ABCB6: variants seen among roughly 807,000 people sequenced by gnomAD.
The protein encoded by ABCB6 is ATP-binding cassette sub-family B member 6.
ABCB6 carries 87 observed loss-of-function variants against 99.4 expected under a neutral mutation model. The observed-to-expected ratio is 0.88, with a 90% CI of 0.74 to 1.05. The LOEUF (loss-of-function observed/expected upper bound fraction) is 1.05. Ranked by LOEUF, ABCB6 falls within the 50% of genes least tolerant of loss-of-function variation. ABCB6 has a pLI of 0.00. For missense variants in ABCB6, 1,050 were observed against 1,097.9 expected (o/e 0.96, Z 0.62); for synonymous variants, 482 against 447.5 (o/e 1.08, Z -0.97).
rs1477286755 is a variant in ABCB6 at position 219,209,810 on chromosome 2, G to A, written c.*128C>T. 5.2e-6 allele frequency: 4 copies of A among 767,830 alleles called. No individual in the cohort carries two copies. Among genetic ancestry groups the A allele is most frequent in the African/African-American group, 3.5e-5 (2 of 57,464 alleles). 47.6% of individuals were successfully genotyped at this position (767,830 alleles called of 1,614,324 possible). ...TTTATTTCCCCAAAAGATGTTTTTC[G>A]GAAAGGTCCCTTTCCCTTACCATAG... On this transcript the variant is annotated 3_prime_UTR_variant, in exon 19 of 19. Coordinates refer to ENST00000265316, the MANE Select transcript of ABCB6 (RefSeq NM_005689.4).
chr2:219,214,245 T>TC (rs1156622470), intron 7 of ABCB6, 59 bp from the exon 8 acceptor site: 5 of 1,555,342 alleles, frequency 3.2e-6, no homozygotes, highest in Admixed American at 1.7e-5. Context: ...CTCGGGTCAT[T>TC]CCCCCCAACT....
In ABCB6 at chr2:219,216,142, C is replaced by T. The variant is rs1480713404; in HGVS notation, c.1009G>A (p.Val337Met). ...ACCCGCCGAGACGTGAACTGCTGCA[C>T]CCGGATCCACAGGAAGGTGCGCAGG... ...SNLRTFLWIR[V>M]QQFTSRRVEL... The change falls in exon 5 of 19, where the codon GTG (valine) becomes ATG (methionine). Residue 337 changes from valine (V) to methionine (M), a missense_variant. Coordinates refer to ENST00000265316, the MANE Select transcript of ABCB6 (RefSeq NM_005689.4). The surrounding 1 kb of genome is among the most constrained non-coding windows in gnomAD (Gnocchi z 4.2). The T allele has an allele frequency of 5.0e-6, 8 of 1,601,830 alleles. No homozygotes were observed. The highest frequency in any genetic ancestry group is 1.1e-5 in the South Asian group (1 of 89,360).
In ABCB6 at chr2:219,218,711, C is replaced by T; in HGVS notation, c.-38G>A. ...ACGCCGGCCGAGGCTGCGGGCACTG[C>T]GGGACCGGAGGCCGGGACTGGTCAC... On this transcript the variant is annotated 5_prime_UTR_variant, in exon 1 of 19. Coordinates refer to ENST00000265316, the MANE Select transcript of ABCB6 (RefSeq NM_005689.4). 6.6e-7 allele frequency: 1 copy of T among 1,508,812 alleles called. No homozygotes were observed. Among genetic ancestry groups the T allele is most frequent in the Non-Finnish European group, 8.9e-7 (1 of 1,128,134 alleles). The allele number at this position is 1,508,812 out of a possible 1,614,324, so 93.5% of individuals were successfully genotyped here. A position where few individuals can be genotyped will look rare whatever the true frequency, so the allele number is the denominator to read the frequency against.
At chr2:219,212,085 G>A (rs1166561476) in intron 14 of ABCB6, among the ~76,000 whole-genome samples, 1 of 151,970 alleles carries the variant, frequency 6.6e-6, no homozygotes, top group Admixed American at 6.6e-5. Flanking sequence ...TTTGTAGAGA[G>A]GGTGTTTTGC....
At position 219,210,309 on chromosome 2, in the gene ABCB6, A is replaced by G; in HGVS notation, c.2352-11T>C. On this transcript the variant is annotated splice_polypyrimidine_tract_variant and intron_variant, in intron 17 of 18. Transcript: ENST00000265316. The stretch of plus-strand genomic sequence containing the variant: ...ACCACAGTTGAGAGCCTGAGAAGTC[A>G]AAGATCAGTCGCCTACTACCCCACC... 1 of 1,614,210 alleles carries G rather than the reference A, an allele frequency of 6.2e-7. No individual in the cohort carries two copies.
chr2:219,210,492 G>C lies in ABCB6; in HGVS notation c.2257-17C>G. 2 of 1,611,804 alleles carry C rather than the reference G, an allele frequency of 1.2e-6. No individual in the cohort carries two copies. Among genetic ancestry groups the C allele is most frequent in the Non-Finnish European group, 1.7e-6 (2 of 1,178,918 alleles). ...TGACGTTGCCTATAGAGAGGGTCCA[G>C]GTAAAACTGCTCCTGCCACTCAAAA... On this transcript the variant is annotated splice_polypyrimidine_tract_variant and intron_variant, in intron 16 of 18. Coordinates refer to ENST00000265316, the MANE Select transcript of ABCB6 (RefSeq NM_005689.4).
In ABCB6 at chr2:219,213,594, A is replaced by G; in HGVS notation, c.1651T>C (p.Tyr551His). The G allele has an allele frequency of 6.2e-7, 1 of 1,614,180 alleles. No individual in the cohort carries two copies. The highest frequency in any genetic ancestry group is 2.2e-5 in the East Asian group (1 of 44,878). The change falls in exon 10 of 19, where the codon TAC becomes CAC. Residue 551 changes from tyrosine to histidine, a missense_variant. Transcript: ENST00000265316. ...GAGGGCCAGGGCTCAGATTACCTGTAGTAGGTGCCAAACCAATTGAGGGGC... is the reference window on the plus strand; with the variant it reads ...GAGGGCCAGGGCTCAGATTACCTGTGGTAGGTGCCAAACCAATTGAGGGGC... ...YMPLNWFGTY[Y>H]RMIQTNFIDM...
At position 219,218,587 on chromosome 2, in the gene ABCB6, G is replaced by T. The variant is rs1358783169; in HGVS notation, c.87C>A (p.Phe29Leu). 1 of 1,611,752 alleles carries T rather than the reference G, an allele frequency of 6.2e-7. No individual in the cohort carries two copies. Among genetic ancestry groups the T allele is most frequent in the Non-Finnish European group, 8.5e-7 (1 of 1,179,082 alleles). The change falls in exon 1 of 19, where the codon TTC (phenylalanine) becomes TTA (leucine). Residue 29 changes from phenylalanine to leucine, a missense_variant. By Grantham distance (22) the Phe-to-Leu change is conservative. Coordinates refer to ENST00000265316, the MANE Select transcript of ABCB6 (RefSeq NM_005689.4). ...CCATCCGCGTCGAGGGCACGAGCGTGAAGAAGAAGCAGGGACTCAGGCCAT... is the reference window on the plus strand; with the variant it reads ...CCATCCGCGTCGAGGGCACGAGCGTTAAGAAGAAGCAGGGACTCAGGCCAT... ...MQDGLSPCFFFTLVPSTRMAL... is the reference protein window; with the variant it reads ...MQDGLSPCFFLTLVPSTRMAL...
intron 5 of ABCB6, 51 bp from the exon 6 acceptor site, chr2:219,215,133 C>G (rs1950623930): frequency 6.2e-7 from 1 of 1,610,446 alleles, no homozygotes; most frequent in Admixed American, 1.7e-5. Context: ...TTAGACCCAG[C>G]AACCCTGCCT....
chr2:219,217,383 C>G (rs544423444), intron 2 of ABCB6, among the ~76,000 whole-genome samples: 4 of 151,568 alleles, frequency 2.6e-5, no homozygotes, highest in Non-Finnish European at 5.9e-5. Flanking sequence ...CAGTGGCTCA[C>G]GCCTGTAATC....
intron 14 of ABCB6, among the ~76,000 whole-genome samples, chr2:219,211,920 C>T (rs548017562): frequency 1.3e-5 from 2 of 152,062 alleles, no homozygotes; most frequent in Non-Finnish European, 2.9e-5. Flanking sequence ...CCCGCCACCA[C>T]GCCCAGCAAA....
chr2:219,217,986 G>C, intron 1 of ABCB6, 139 bp downstream of exon 1: 1 of 1,361,578 alleles, frequency 7.3e-7, no homozygotes, highest in Non-Finnish European at 9.8e-7. Flanking sequence ...CTGGCTATCA[G>C]CTCCCGGCAG....
At chr2:219,214,279 A>C in intron 7 of ABCB6, 93 bp from the exon 8 acceptor site, 1 of 1,498,864 alleles carries the variant, frequency 6.7e-7, no homozygotes, top group South Asian at 1.1e-5. Context: ...CCTGAGTTCA[A>C]ACATCACACA....
At chr2:219,215,949 G>C (rs1950633936) in intron 5 of ABCB6, 48 bp downstream of exon 5, 1 of 1,487,276 alleles carries the variant, frequency 6.7e-7, no homozygotes, top group Non-Finnish European at 9.0e-7. Flanking sequence ...CCCTATCCCT[G>C]CTTCTCCGGC....
chr2:219,214,024 GC>G (rs1040298941), intron 8 of ABCB6, 73 bp from the exon 9 acceptor site: 1 of 1,612,484 alleles, frequency 6.2e-7, no homozygotes, highest in Non-Finnish European at 8.5e-7. Context: ...CTGGGCCCAG[GC>G]CCCTTCTACC....
At chr2:219,214,044 C>G in intron 8 of ABCB6, 77 bp downstream of exon 8, 1 of 1,612,556 alleles carries the variant, frequency 6.2e-7, no homozygotes, top group South Asian at 1.1e-5. Context: ...CCCCAACACT[C>G]GACTATCACT....
rs749302568 is a variant in ABCB6, at chr2:219,213,022, G to T, written c.1849C>A (p.Gln617Lys). Residue 617 changes from glutamine to lysine, a missense_variant, in exon 13 of 19, where the codon CAG becomes AAG. By Grantham distance (53) the Gln-to-Lys change is moderately conservative (BLOSUM62 1). Transcript: ENST00000265316. Reference sequence around the variant, plus strand: ...TCTCCTCTCACCAGGGCAAGTGTCTGTCCAGGCATCACAGTGAAAGACACG... The same window carrying T: ...TCTCCTCTCACCAGGGCAAGTGTCTTTCCAGGCATCACAGTGAAAGACACG... The part of the protein sequence containing the change: ...QDVSFTVMPG[Q>K]TLALVGPSGA... 6.2e-7 allele frequency: 1 copy of T among 1,614,040 alleles called. No individual in the cohort carries two copies. Among genetic ancestry groups the T allele is most frequent in the Non-Finnish European group, 8.5e-7 (1 of 1,179,954 alleles).
rs1167143539 is a variant in ABCB6, at chr2:219,218,112, C to T, written c.549+13G>A. On this transcript the variant is annotated intron_variant, in intron 1 of 18. Transcript: ENST00000265316. ...GCCAGCAGAGGCTTCCCCCTTCCCA[C>T]AGAGTCCCTCACCTGCTGGCCCAAG... 1.9e-6 allele frequency: 3 copies of T among 1,586,416 alleles called. No individual in the cohort carries two copies. The highest frequency in any genetic ancestry group is 2.6e-6 in the Non-Finnish European group (3 of 1,166,204).
Position 219,218,751 on chromosome 2 carries a change from G to A in ABCB6, c.-78C>T. On this transcript the variant is annotated 5_prime_UTR_variant, in exon 1 of 19. Transcript: ENST00000265316. ...GGACTGGTCACTCGGAGAGGGGCGC[G>A]GACATCCGGGTGCCTTGGCTCACGT... The A allele has an allele frequency of 2.1e-6, 3 of 1,426,104 alleles. No homozygotes were observed. The highest frequency in any genetic ancestry group is 1.9e-6 in the Non-Finnish European group (2 of 1,079,274). The allele number at this position is 1,426,104 out of a possible 1,614,324, so 88.3% of individuals were successfully genotyped here. A position where few individuals can be genotyped will look rare whatever the true frequency, so the allele number is the denominator to read the frequency against.
Sources: allele counts gnomAD v4.1 joint callset (sites outside exome capture counted in the v4.1 genomes callset), GRCh38; gene constraint gnomAD v4.1.1; non-coding constraint Gnocchi (gnomAD v3.1); transcripts MANE v1.5; gene names NCBI Gene and HGNC (gene_info 2026-07-23, HGNC 2026-07-21).